Variants in EZH1 observed in about 807,000 individuals in gnomAD.
EZH1 encodes the protein histone-lysine N-methyltransferase EZH1.
In EZH1, 33 loss-of-function variants were observed where a neutral mutation model predicts 100.5. The ratio of observed to expected loss-of-function variants is 0.33; its 90% confidence interval spans 0.25 to 0.44. EZH1 has a LOEUF of 0.44. EZH1 is among the 20% of genes least tolerant of loss of function. The pLI is 1.00. For missense variants in EZH1, 475 were observed against 928.4 expected (o/e 0.51, Z 6.35); for synonymous variants, 272 against 313.8 (o/e 0.87, Z 1.41).
intron 1 of EZH1, among the ~76,000 whole-genome samples, chr17:42,734,070 C>T (rs377137295): frequency 2.8e-5 from 4 of 143,656 alleles, no homozygotes; most frequent in Non-Finnish European, 4.5e-5. Context: ...TTTTTTGAGA[C>T]GGAGTCTCGC....
Position 42,702,242 on chromosome 17 carries a change from C to T in EZH1, c.*290G>A, listed in dbSNP as rs959096531. On this transcript the variant is annotated 3_prime_UTR_variant, in exon 21 of 21. Coordinates refer to ENST00000428826, the MANE Select transcript of EZH1 (RefSeq NM_001991.5). ...CCTGGGGAGCCGACACGAAATCACG[C>T]ATAAGTCATCCACCCCAGCCTGTGC... 1 of 355,148 alleles carries T rather than the reference C, an allele frequency of 2.8e-6. No homozygotes were observed. Among genetic ancestry groups the T allele is most frequent in the Admixed American group, 4.3e-5 (1 of 23,508 alleles). The allele number at this position is 355,148 out of a possible 1,614,324, so 22.0% of individuals were successfully genotyped here.
chr17:42,733,085 C>T (rs575855946), intron 1 of EZH1, among the ~76,000 whole-genome samples: 10 of 151,440 alleles, frequency 6.6e-5, no homozygotes, highest in Admixed American at 6.6e-4. Flanking sequence ...CGGTTGTAAT[C>T]CCAGCACTCT....
intron 12 of EZH1, among the ~76,000 whole-genome samples, chr17:42,711,061 G>A (rs552815150): frequency 5.9e-4 from 90 of 152,216 alleles, no homozygotes; most frequent in African/African-American, 2.2e-3. Flanking sequence ...CCTTGTCCCT[G>A]TTCTTCAGTC....
intron 2 of EZH1, among the ~76,000 whole-genome samples, chr17:42,729,824 G>C (rs1280012524): frequency 6.6e-6 from 1 of 151,430 alleles, no homozygotes; most frequent in African/African-American, 2.4e-5. Flanking sequence ...TGGATCACGA[G>C]GTCAGGAGTT....
rs115859111 is a variant in EZH1, at chr17:42,706,334, C to T, written c.1661-149G>A. 4.6e-3 allele frequency: 3,033 copies of T among 662,000 alleles called. 70 individuals are homozygous for T. The African/African-American group carries it at 0.047, about 10-fold the overall frequency. 41.0% of individuals were successfully genotyped at this position (662,000 alleles called of 1,614,324 possible). ...AAGCTCCCTTCCCAATAATCAAATA[C>T]ACAAGTTTTGTCCATAGAAAACTGA... On this transcript the variant is annotated intron_variant, in intron 15 of 20. Coordinates refer to ENST00000428826, the MANE Select transcript of EZH1 (RefSeq NM_001991.5). This position sits in a 1 kb window ranked among gnomAD's most constrained non-coding sequence, Gnocchi z 4.4.
chr17:42,744,830 C>T (rs916456628), intron 1 of EZH1, among the ~76,000 whole-genome samples, 181 bp downstream of exon 1: 1 of 152,032 alleles, frequency 6.6e-6, no homozygotes, highest in Non-Finnish European at 1.5e-5. Flanking sequence ...CGCCCCGTCG[C>T]CCCCATTCCC....
At chr17:42,733,337 C>CAAA (rs1204785901) in intron 1 of EZH1, among the ~76,000 whole-genome samples, 3 of 74,700 alleles carry the variant, frequency 4.0e-5, no homozygotes, top group Admixed American at 1.5e-4. Flanking sequence ...AACTCTGTCT[C>CAAA]AAAAAAAAAA....
intron 1 of EZH1, among the ~76,000 whole-genome samples, chr17:42,737,851 G>A (rs955498138): frequency 1.3e-5 from 2 of 151,986 alleles, no homozygotes; most frequent in African/African-American, 4.8e-5. Flanking sequence ...GTGGAAATGG[G>A]AAAACATTAC....
At chr17:42,714,471 T>C (rs2053550619) in intron 10 of EZH1, 1 of 302,090 alleles carries the variant, frequency 3.3e-6, no homozygotes, top group Non-Finnish European at 6.7e-6. Flanking sequence ...GTTTGTGCTA[T>C]GAGACCTAAA....
intron 1 of EZH1, among the ~76,000 whole-genome samples, chr17:42,739,650 C>A (rs1478674502): frequency 6.6e-6 from 1 of 151,932 alleles, no homozygotes; most frequent in Non-Finnish European, 1.5e-5. Context: ...TCGCTTGAAC[C>A]CAGGAGGCAG....
intron 4 of EZH1, 63 bp downstream of exon 4, chr17:42,727,572 A>G: frequency 6.4e-7 from 1 of 1,560,100 alleles, no homozygotes. Context: ...AAAGTCACAA[A>G]TATAGGAAAA....
At chr17:42,732,817 T>C (rs1348184538) in intron 1 of EZH1, among the ~76,000 whole-genome samples, 1 of 151,404 alleles carries the variant, frequency 6.6e-6, no homozygotes, top group Non-Finnish European at 1.5e-5. Flanking sequence ...GGCATGGTGG[T>C]GCATGCCTGT....
Position 42,719,172 on chromosome 17 carries a change from C to A in EZH1, c.700G>T (p.Asp234Tyr). The A allele has an allele frequency of 1.2e-6, 2 of 1,613,922 alleles. No homozygotes were observed. The highest frequency in any genetic ancestry group is 2.2e-5 in the South Asian group (2 of 91,062). The change falls in exon 8 of 21, where the codon GAC (aspartate) becomes TAC (tyrosine). Residue 234 changes from aspartate (D) to tyrosine (Y), a missense_variant. By Grantham distance (160) the Asp-to-Tyr change is radical. Coordinates refer to ENST00000428826, the MANE Select transcript of EZH1 (RefSeq NM_001991.5). Reference protein sequence around the residue: ...KKSSKKQFPNDMIFSAIASMF... With the variant: ...KKSSKKQFPNYMIFSAIASMF... ...GAGGCAATTGCACTGAAGATCATGT[C>A]ATTTGGGAACTGTTTCTTGGAACTC...
At chr17:42,723,943 T>A (rs1327788456) in intron 5 of EZH1, among the ~76,000 whole-genome samples, 1 of 152,146 alleles carries the variant, frequency 6.6e-6, no homozygotes, top group Admixed American at 6.6e-5. Context: ...TCAGAAAGGA[T>A]TACTCCATCA....
At chr17:42,705,926 C>G in intron 16 of EZH1, 81 bp downstream of exon 16, 2 of 1,346,278 alleles carry the variant, frequency 1.5e-6, no homozygotes, top group Non-Finnish European at 2.0e-6. Flanking sequence ...TCAAAAGAAC[C>G]AGTGGAAAGA....
chr17:42,713,147 A>ATCCTGGGT (rs2053523431), intron 11 of EZH1, 62 bp downstream of exon 11: 21 of 1,531,570 alleles, frequency 1.4e-5, no homozygotes, highest in Non-Finnish European at 1.8e-5. Context: ...TCAGGCAGTG[A>ATCCTGGGT]TCCTGGGTTT....
chr17:42,705,526 T>G (rs933162462), intron 16 of EZH1: 1 of 199,444 alleles, frequency 5.0e-6, no homozygotes, highest in African/African-American at 2.4e-5. Context: ...GAACCACTTT[T>G]CTTTCTCTTT....
chr17:42,718,182 C>T lies in EZH1; in HGVS notation c.932-115G>A. ...GTTAGAATTCGATATAAACGGCTAC[C>T]ATCAGGGTGCACAAAATTCAGTCAT... is the stretch of plus-strand genomic sequence containing the variant. On this transcript the variant is annotated intron_variant, in intron 9 of 20. Transcript: ENST00000428826. This position sits in a 1 kb window ranked among gnomAD's most constrained non-coding sequence, Gnocchi z 4.2. 1 of 961,664 alleles carries T rather than the reference C, an allele frequency of 1.0e-6. No individual in the cohort carries two copies. The highest frequency in any genetic ancestry group is 1.6e-6 in the Non-Finnish European group (1 of 636,540). 59.6% of individuals were successfully genotyped at this position (961,664 alleles called of 1,614,324 possible).
chr17:42,719,287 G>C, intron 7 of EZH1, 80 bp from the exon 8 acceptor site: 1 of 1,122,934 alleles, frequency 8.9e-7, no homozygotes. Context: ...TTTTCCTTTT[G>C]TCATAGCATT....
Sources: gnomAD v4.1 joint callset for allele counts (sites outside exome capture counted in the v4.1 genomes callset) on GRCh38, gnomAD v4.1.1 for gene constraint, Gnocchi (gnomAD v3.1) non-coding constraint, MANE v1.5 for transcripts, NCBI Gene and HGNC (gene_info 2026-07-23, HGNC 2026-07-21) for gene names.